The following MTMR7 variants were observed in gnomAD, a reference collection of about 807,000 sequenced individuals.
MTMR7 encodes the protein myotubularin related protein 7, also known as phosphatidylinositol-3-phosphate phosphatase MTMR7.
MTMR7 carries 76 observed loss-of-function variants against 81.2 expected under a neutral mutation model. That is an observed-to-expected ratio of 0.94 (90% confidence interval 0.78 to 1.13). The LOEUF is 1.13. MTMR7 is among the 50% of genes most tolerant of loss of function. The pLI is 0.00. For synonymous variants in MTMR7, 372 were observed against 289.8 expected (o/e 1.28, Z -2.88); for missense variants, 1,044 against 820.0 (o/e 1.27, Z -3.34).
At chr8:17,387,977 A>C (rs1821001382) in intron 1 of MTMR7, among the ~76,000 whole-genome samples, 1 of 152,224 alleles carries the variant, frequency 6.6e-6, no homozygotes, top group Admixed American at 6.5e-5. Context: ...AATTCTCCTA[A>C]GGGAATATAC....
chr8:17,375,790 T>G (rs1463434965), intron 1 of MTMR7, among the ~76,000 whole-genome samples: 1 of 152,188 alleles, frequency 6.6e-6, no homozygotes, highest in Non-Finnish European at 1.5e-5. Context: ...TTTCCAATAT[T>G]TATCTTTTTT....
intron 7 of MTMR7, among the ~76,000 whole-genome samples, chr8:17,316,293 A>C (rs1203295582): frequency 6.6e-6 from 1 of 151,934 alleles, no homozygotes; most frequent in Non-Finnish European, 1.5e-5. Flanking sequence ...ATTTACATAT[A>C]TATTATAGTC....
chr8:17,300,305 T>C, intron 13 of MTMR7, 81 bp from the exon 14 acceptor site: 1 of 1,395,616 alleles, frequency 7.2e-7, no homozygotes. Flanking sequence ...TAGCATTTGT[T>C]ACCTCCCACG....
chr8:17,398,097 C>T (rs180904720), intron 1 of MTMR7, among the ~76,000 whole-genome samples: 2 of 152,236 alleles, frequency 1.3e-5, no homozygotes, highest in East Asian at 3.9e-4. Flanking sequence ...CAAGCCCACA[C>T]TGCAAAGACT....
chr8:17,371,278 T>A, intron 2 of MTMR7, 79 bp from the exon 3 acceptor site: 1 of 1,477,084 alleles, frequency 6.8e-7, no homozygotes, highest in Non-Finnish European at 9.2e-7. Context: ...TCTTTGTGGC[T>A]CAAAGAAAGA....
chr8:17,357,543 T>C (rs1002796209), intron 4 of MTMR7, among the ~76,000 whole-genome samples: 8 of 135,924 alleles, frequency 5.9e-5, no homozygotes, highest in Non-Finnish European at 9.2e-5. Context: ...CAAAAGAACA[T>C]AAAACACCTT....
In MTMR7 at chr8:17,307,037, A is replaced by T. The variant is rs1370037485; in HGVS notation, c.1152-1080T>A. ...TGGCAGCAAAAGACAAAATTGACAG[A>T]TGGGATCTAATTAAACTAAAGAGCT... On this transcript the variant is annotated intron_variant, in intron 10 of 13. Transcript: ENST00000180173. 2.6e-5 allele frequency among the ~76,000 whole-genome samples: 4 copies of T among 152,340 alleles called. No individual in the cohort carries two copies. The East Asian group carries it at 7.7e-4, about 29-fold the overall frequency.
chr8:17,390,000 G>C (rs1204386891), intron 1 of MTMR7, among the ~76,000 whole-genome samples: 1 of 150,788 alleles, frequency 6.6e-6, no homozygotes, highest in East Asian at 2.0e-4. Context: ...GAATTGGGAA[G>C]ATAAAGTCAC....
chr8:17,396,088 A>G (rs922730364), intron 1 of MTMR7, among the ~76,000 whole-genome samples: 17 of 151,560 alleles, frequency 1.1e-4, no homozygotes, highest in Non-Finnish European at 2.2e-4. Flanking sequence ...AATAATATCC[A>G]TCAGGAGATA....
intron 2 of MTMR7, among the ~76,000 whole-genome samples, chr8:17,372,550 T>C (rs1358321993): frequency 6.6e-6 from 1 of 152,092 alleles, no homozygotes; most frequent in Admixed American, 6.5e-5. Context: ...ATCGCATCAC[T>C]GCACTCCAGC....
intron 3 of MTMR7, among the ~76,000 whole-genome samples, chr8:17,365,029 C>T (rs1424739122): frequency 6.6e-6 from 1 of 152,212 alleles, no homozygotes; most frequent in Non-Finnish European, 1.5e-5. Flanking sequence ...TACATTCCCA[C>T]CAACAGTGCA....
In MTMR7 at chr8:17,361,160, G is replaced by T; in HGVS notation, c.425C>A (p.Pro142His). The change falls in exon 4 of 14, where the codon CCT becomes CAT. Residue 142 changes from proline (P) to histidine (H), a missense_variant. Coordinates refer to ENST00000180173, the MANE Select transcript of MTMR7 (RefSeq NM_004686.5). ...ATCGCTGAGCTGCCAGTAATGATTA[G>T]GGAGGCCCATCCGCGTGTATTCTTC... ...LSEEYTRMGLPNHYWQLSDVN... is the reference protein window; with the variant it reads ...LSEEYTRMGLHNHYWQLSDVN... 6.2e-7 allele frequency: 1 copy of T among 1,614,170 alleles called. No individual in the cohort carries two copies. The highest frequency in any genetic ancestry group is 8.5e-7 in the Non-Finnish European group (1 of 1,180,026).
intron 1 of MTMR7, 22 bp downstream of exon 1, chr8:17,413,247 C>G: frequency 1.9e-6 from 3 of 1,548,712 alleles, no homozygotes; most frequent in Non-Finnish European, 2.6e-6. Flanking sequence ...GTCCCTCCTC[C>G]GCCCGCGCTG....
intron 1 of MTMR7, among the ~76,000 whole-genome samples, chr8:17,395,899 C>T (rs1821231209): frequency 6.6e-6 from 1 of 152,060 alleles, no homozygotes; most frequent in Admixed American, 6.5e-5. Flanking sequence ...TACAAAGGAG[C>T]CATCCAGTAT....
At chr8:17,337,818 T>C (rs935938917) in intron 6 of MTMR7, among the ~76,000 whole-genome samples, 3 of 152,292 alleles carry the variant, frequency 2.0e-5, no homozygotes, top group African/African-American at 2.4e-5. Context: ...GGGGTCTCAC[T>C]ACGTTGCCCA....
chr8:17,361,999 C>T (rs1820076111), intron 3 of MTMR7, among the ~76,000 whole-genome samples: 1 of 152,108 alleles, frequency 6.6e-6, no homozygotes, highest in African/African-American at 2.4e-5. Flanking sequence ...GCCCAATAGC[C>T]CCACTGTTTC....
At chr8:17,333,271 C>A (rs1200158761) in intron 6 of MTMR7, among the ~76,000 whole-genome samples, 1 of 152,148 alleles carries the variant, frequency 6.6e-6, no homozygotes, top group African/African-American at 2.4e-5. Flanking sequence ...CATTTTAAGA[C>A]AACTTATGTT....
intron 9 of MTMR7, among the ~76,000 whole-genome samples, chr8:17,310,083 C>T (rs1337176583): frequency 6.6e-6 from 1 of 152,168 alleles, no homozygotes; most frequent in African/African-American, 2.4e-5. Context: ...TCACTACACC[C>T]TTGACCTCCT....
At chr8:17,408,059 G>A (rs934453232) in intron 1 of MTMR7, among the ~76,000 whole-genome samples, 1 of 152,134 alleles carries the variant, frequency 6.6e-6, no homozygotes, top group African/African-American at 2.4e-5. Flanking sequence ...ATGGACCTTT[G>A]TATGAACCTA....
Sources: allele counts gnomAD v4.1 joint callset (sites outside exome capture counted in the v4.1 genomes callset), GRCh38; gene constraint gnomAD v4.1.1; transcripts MANE v1.5; gene names NCBI Gene and HGNC (gene_info 2026-07-23, HGNC 2026-07-21).